Variants in CCNT1 observed in about 807,000 individuals in gnomAD.
CCNT1 encodes the protein cyclin-T1.
A neutral mutation model predicts 67.3 loss-of-function variants in CCNT1; 18 were observed. The observed-to-expected ratio is 0.27, with a 90% CI of 0.18 to 0.40. The LOEUF (loss-of-function observed/expected upper bound fraction) is 0.40, where lower values mean the gene tolerates loss of function less well. Ranked by LOEUF, CCNT1 falls within the 10% of genes least tolerant of loss-of-function variation. The probability of loss-of-function intolerance (pLI) is 1.00; values close to 1 mark genes in which losing one functional copy is unlikely to be tolerated. For missense variants in CCNT1, 744 were observed against 884.9 expected, an observed-to-expected ratio of 0.84 and a Z score of 2.02; for synonymous variants, 333 against 310.3, an observed-to-expected ratio of 1.07 and a Z score of -0.77.
At chr12:48,711,020 AG>A (rs1940441906) in intron 2 of CCNT1, among the ~76,000 whole-genome samples, 1 of 151,182 alleles carries the variant, frequency 6.6e-6, no homozygotes, top group African/African-American at 2.4e-5. Context: ...GAGATCGCGC[AG>A]CCACTGCACT....
At chr12:48,700,330 AAAAAG>A (rs1485988874) in intron 4 of CCNT1, among the ~76,000 whole-genome samples, 3 of 151,512 alleles carry the variant, frequency 2.0e-5, no homozygotes, top group Admixed American at 6.6e-5. Context: ...AAAAAAAAAA[AAAAAG>A]AAAAAGAAAA....
intron 6 of CCNT1, among the ~76,000 whole-genome samples, chr12:48,696,925 T>C (rs1940177049): frequency 2.0e-5 from 3 of 152,124 alleles, no homozygotes; most frequent in Admixed American, 2.0e-4. Context: ...CTCTGCCTCC[T>C]GGGTTCAAGC....
intron 1 of CCNT1, among the ~76,000 whole-genome samples, chr12:48,715,627 A>AT (rs553474566): frequency 6.6e-5 from 10 of 151,766 alleles, no homozygotes; most frequent in Non-Finnish European, 1.0e-4. Context: ...CGCCGGGGTA[A>AT]TTTTTTGTAT....
intron 2 of CCNT1, among the ~76,000 whole-genome samples, chr12:48,711,753 G>A (rs1940454291): frequency 6.6e-6 from 1 of 152,156 alleles, no homozygotes; most frequent in African/African-American, 2.4e-5. Context: ...CAGGGGCTAA[G>A]GGCAGAAGAA....
intron 1 of CCNT1, among the ~76,000 whole-genome samples, chr12:48,716,077 G>A (rs1940528396): frequency 6.6e-6 from 1 of 152,196 alleles, no homozygotes; most frequent in South Asian, 2.1e-4. Context: ...ATTAATTCTA[G>A]TCCACCCTTT....
chr12:48,702,569 G>A (rs1157183398), intron 3 of CCNT1, among the ~76,000 whole-genome samples: 1 of 152,202 alleles, frequency 6.6e-6, no homozygotes, highest in Non-Finnish European at 1.5e-5. Context: ...TGTATCACGA[G>A]GTCAGGAGTT....
rs1415768261 is a variant in CCNT1, at chr12:48,691,432, G to A, written c.*1601C>T. 2 of 151,808 alleles carry A rather than the reference G, an allele frequency of 1.3e-5. No homozygotes were observed. The highest frequency in any genetic ancestry group is 2.4e-5 in the African/African-American group (1 of 41,344). The allele number at this position is 151,808 out of a possible 1,614,324, so 9.4% of individuals were successfully genotyped here. ...AACTCAAATTGAACCACCTTTTCCA[G>A]AGCAAAAAAAATGCAATGAAGATCA... On this transcript the variant is annotated 3_prime_UTR_variant, in exon 9 of 9. Coordinates refer to ENST00000261900, the MANE Select transcript of CCNT1 (RefSeq NM_001240.4).
Position 48,692,963 on chromosome 12 carries a change from G to C in CCNT1, c.*70C>G, listed in dbSNP as rs1205465751. 2 of 959,448 alleles carry C rather than the reference G, an allele frequency of 2.1e-6. No individual in the cohort carries two copies. The highest frequency in any genetic ancestry group is 1.7e-5 in the African/African-American group (1 of 59,410). The allele number at this position is 959,448 out of a possible 1,614,324, so 59.4% of individuals were successfully genotyped here. Reference sequence around the variant, plus strand: ...ACATATTTCATAAGTAATTTTCTTAGTCCAAAAAAAAAAAAGAAAAATTAT... The same window carrying C: ...ACATATTTCATAAGTAATTTTCTTACTCCAAAAAAAAAAAAGAAAAATTAT... On this transcript the variant is annotated 3_prime_UTR_variant, in exon 9 of 9. Coordinates refer to ENST00000261900, the MANE Select transcript of CCNT1 (RefSeq NM_001240.4).
chr12:48,697,852 AAAAAT>A (rs1452670651), intron 6 of CCNT1: 1,314 of 99,724 alleles, frequency 0.013, 31 homozygotes, highest in East Asian at 0.089. Flanking sequence ...AAAAAAAAAA[AAAAAT>A]ATATATATAT....
Position 48,693,568 on chromosome 12 carries a change from C to T in CCNT1, c.1646G>A (p.Ser549Asn). Residue 549 changes from serine (S) to asparagine (N), a missense_variant, in exon 9 of 9, where the codon AGC (serine) becomes AAC (asparagine). Physicochemically the swap from Ser to Asn is conservative, Grantham distance 46 (BLOSUM62 1). Around this residue, in one of 3 missense-constraint regions of CCNT1, gnomAD observed 564 missense variants for 574.2 expected, o/e 0.98. Transcript: ENST00000261900. ...TTTATGTGCTAAGTTGCTTGTCTGG[C>T]TACTATGTTTTGGATCACCAGGACG... is the stretch of plus-strand genomic sequence containing the variant. ...NKRPGDPKHS[S>N]QTSNLAHKTY... 6.2e-7 allele frequency: 1 copy of T among 1,614,150 alleles called. No individual in the cohort carries two copies. Among genetic ancestry groups the T allele is most frequent in the Non-Finnish European group, 8.5e-7 (1 of 1,180,036 alleles).
chr12:48,703,239 T>C (rs1464761145), intron 3 of CCNT1, among the ~76,000 whole-genome samples: 3 of 151,734 alleles, frequency 2.0e-5, no homozygotes, highest in Admixed American at 2.0e-4. Context: ...ATCTTGCCAC[T>C]GCACTCTATC....
intron 8 of CCNT1, among the ~76,000 whole-genome samples, chr12:48,694,823 TTTTG>T (rs543902005): frequency 0.016 from 2,475 of 151,972 alleles, 29 homozygotes; most frequent in Non-Finnish European, 0.024. Context: ...TACTGTTGTT[TTTTG>T]TTTGTTTGTT....
At chr12:48,702,287 A>G (rs1248572342) in intron 3 of CCNT1, among the ~76,000 whole-genome samples, 1 of 152,250 alleles carries the variant, frequency 6.6e-6, no homozygotes, top group African/African-American at 2.4e-5. Context: ...TTTGGCTCCT[A>G]TTAGAACTTC....
chr12:48,695,906 C>T lies in CCNT1; in HGVS notation c.707-77G>A. 4 of 1,523,576 alleles carry T rather than the reference C, an allele frequency of 2.6e-6. No homozygotes were observed. In the South Asian group the frequency reaches 3.4e-5, roughly 13 times the overall value. The allele number at this position is 1,523,576 out of a possible 1,614,324, so 94.4% of individuals were successfully genotyped here. On this transcript the variant is annotated intron_variant, in intron 7 of 8. Coordinates refer to ENST00000261900, the MANE Select transcript of CCNT1 (RefSeq NM_001240.4). ...AAACAAGAATAACCTGAACTACTAA[C>T]TAACTATTTTCATCTGAATCAAGTC... is the stretch of plus-strand genomic sequence containing the variant.
chr12:48,703,585 TA>T (rs1294418266), intron 3 of CCNT1, among the ~76,000 whole-genome samples: 340 of 141,584 alleles, frequency 2.4e-3, no homozygotes, highest in East Asian at 0.011. Context: ...AAAAAAAAGT[TA>T]AAAAAAAAAA....
chr12:48,714,326 T>C (rs1940501438), intron 2 of CCNT1, 117 bp downstream of exon 2: 1 of 650,658 alleles, frequency 1.5e-6, no homozygotes. Context: ...ATGGAAGTGA[T>C]CAACCCTAAA....
At chr12:48,705,726 G>A in intron 3 of CCNT1, 42 bp downstream of exon 3, 7 of 1,550,232 alleles carry the variant, frequency 4.5e-6, no homozygotes, top group Non-Finnish European at 6.1e-6. Context: ...AAAAAAGAAA[G>A]GAAAAAAATT....
rs567018606 is a variant in CCNT1, at chr12:48,708,251, A to G, written c.244-2355T>C. Among the ~76,000 whole-genome samples, 12 of 151,658 alleles carry G rather than the reference A, an allele frequency of 7.9e-5. No homozygotes were observed. The East Asian group carries it at 2.4e-3, about 30-fold the overall frequency. Reference sequence around the variant, plus strand: ...TTAAAATATAGAAAAAAGAATTTTAAAAAGTTTAGAGTAGGCCGGGCGTGG... The same window carrying G: ...TTAAAATATAGAAAAAAGAATTTTAGAAAGTTTAGAGTAGGCCGGGCGTGG... On this transcript the variant is annotated intron_variant, in intron 2 of 8. Transcript: ENST00000261900.
In CCNT1 at chr12:48,692,289, T is replaced by G. The variant is rs1298176602; in HGVS notation, c.*744A>C. On this transcript the variant is annotated 3_prime_UTR_variant, in exon 9 of 9. Transcript: ENST00000261900. ...TATGTTCTCAAGGCCAACCATGTTT[T>G]TCTCTAGTAGACTGTTGGAAAATGA... 6.6e-6 allele frequency: 1 copy of G among 152,196 alleles called. No individual in the cohort carries two copies. The highest frequency in any genetic ancestry group is 2.4e-5 in the African/African-American group (1 of 41,446). The allele number at this position is 152,196 out of a possible 1,614,324, so 9.4% of individuals were successfully genotyped here.
Sources: allele counts gnomAD v4.1 joint callset (sites outside exome capture counted in the v4.1 genomes callset), GRCh38; gene constraint gnomAD v4.1.1; regional missense constraint gnomAD v4.1.1; transcripts MANE v1.5; gene names NCBI Gene and HGNC (gene_info 2026-07-23, HGNC 2026-07-21).